NLGN1: variants seen among roughly 807,000 people sequenced by gnomAD.
The protein encoded by NLGN1 is neuroligin-1.
Under a neutral mutation model 65.5 loss-of-function variants are expected in NLGN1, and 12 were observed. The observed-to-expected ratio is 0.18, with a 90% confidence interval of 0.12 to 0.30. The LOEUF (loss-of-function observed/expected upper bound fraction) is 0.30. NLGN1 is among the 10% of genes least tolerant of loss of function. The pLI is 1.00. For synonymous variants in NLGN1, 350 were observed against 359.5 expected, an observed-to-expected ratio of 0.97 and a Z score of 0.30; for missense variants, 750 against 1,007.1, an observed-to-expected ratio of 0.74 and a Z score of 3.46.
intron 2 of NLGN1, among the ~76,000 whole-genome samples, chr3:173,533,510 A>G (rs914758227): frequency 2.0e-5 from 3 of 152,186 alleles, no homozygotes; most frequent in African/African-American, 7.2e-5. Flanking sequence ...TCTTCTGGAA[A>G]ATAAAGCCCG....
chr3:173,699,131 C>T (rs1766711084), intron 3 of NLGN1, among the ~76,000 whole-genome samples: 1 of 152,148 alleles, frequency 6.6e-6, no homozygotes, highest in Non-Finnish European at 1.5e-5. Flanking sequence ...GCTGGGATTA[C>T]AAGCGTGAGC....
intron 4 of NLGN1, among the ~76,000 whole-genome samples, chr3:174,027,232 C>G (rs1236999917): frequency 6.6e-6 from 1 of 152,138 alleles, no homozygotes; most frequent in Non-Finnish European, 1.5e-5. Context: ...ACCCAAAGTT[C>G]TATCATCCTG....
chr3:173,587,326 T>C (rs1577403368), intron 2 of NLGN1, among the ~76,000 whole-genome samples: 1 of 117,958 alleles, frequency 8.5e-6, no homozygotes, highest in South Asian at 3.4e-4. Flanking sequence ...CCTTTGTTTC[T>C]ACAAGCAGTA....
At position 174,039,762 on chromosome 3, in the gene NLGN1, G is replaced by A. The variant is rs530211881; in HGVS notation, c.646+231930G>A. 9.1e-4 allele frequency among the ~76,000 whole-genome samples: 139 copies of A among 152,262 alleles called. 1 individual carries two copies. The highest frequency in any genetic ancestry group is 2.9e-4 in the Non-Finnish European group (20 of 68,024). On this transcript the variant is annotated intron_variant, in intron 4 of 6. Transcript: ENST00000457714. ...TGGCAGCGAGGTTGAGATGGACAAT[G>A]TGTTTGGAATCGTTTGTGTTTATGG...
chr3:173,455,186 G>A (rs897742559), intron 2 of NLGN1, among the ~76,000 whole-genome samples: 1 of 152,174 alleles, frequency 6.6e-6, no homozygotes, highest in African/African-American at 2.4e-5. Flanking sequence ...ATAAAGAAGG[G>A]AGGTTTATTT....
At chr3:173,489,122 A>C (rs191792251) in intron 2 of NLGN1, among the ~76,000 whole-genome samples, 128 of 151,134 alleles carry the variant, frequency 8.5e-4, no homozygotes, top group Non-Finnish European at 1.6e-3. Flanking sequence ...TCCAGGGTAC[A>C]TGTGCACAAT....
At chr3:174,286,938 A>G (rs1387085626), downstream of NLGN1, among the ~76,000 whole-genome samples, 1 of 151,528 alleles carries the variant, frequency 6.6e-6, no homozygotes, top group Non-Finnish European at 1.5e-5. Flanking sequence ...GAGAGAACAA[A>G]AAGGAAGAAA....
Position 173,403,225 on chromosome 3 carries a change from G to A in NLGN1, c.-390+4738G>A, listed in dbSNP as rs111308746. Among the ~76,000 whole-genome samples the A allele has an allele frequency of 7.9e-3, 1,196 of 152,126 alleles. 15 individuals carry two copies. The highest frequency in any genetic ancestry group is 0.027 in the African/African-American group (1,109 of 41,526). On this transcript the variant is annotated intron_variant, in intron 1 of 6. Coordinates refer to ENST00000457714, the Ensembl canonical transcript of NLGN1. The stretch of plus-strand genomic sequence containing the variant: ...TGGAAAATGTAGGAATGTGTACTGC[G>A]TAAAATTACAAATACTAAATTATAC...
intron 4 of NLGN1, among the ~76,000 whole-genome samples, chr3:173,929,269 A>G (rs564479183): frequency 1.4e-4 from 22 of 152,302 alleles, no homozygotes; most frequent in African/African-American, 5.1e-4. Flanking sequence ...ACTTGTAACC[A>G]TTGCAGGATG....
intron 4 of NLGN1, among the ~76,000 whole-genome samples, chr3:174,017,804 T>A (rs777468559): frequency 5.3e-5 from 8 of 152,118 alleles, no homozygotes; most frequent in Non-Finnish European, 1.0e-4. Context: ...ACAAGGCAAC[T>A]GGAGGCAGGG....
intron 3 of NLGN1, among the ~76,000 whole-genome samples, chr3:173,741,478 C>G (rs1481129153): frequency 1.3e-5 from 2 of 151,894 alleles, no homozygotes; most frequent in African/African-American, 4.8e-5. Context: ...TCTTCTATAT[C>G]AGCTTTCTGG....
chr3:174,232,489 G>T (rs1740906144), intron 4 of NLGN1, among the ~76,000 whole-genome samples: 1 of 152,226 alleles, frequency 6.6e-6, no homozygotes, highest in Admixed American at 6.5e-5. Flanking sequence ...TTACTGACAT[G>T]AAGCAGATTG....
chr3:173,722,424 G>A (rs1465721100), intron 3 of NLGN1, among the ~76,000 whole-genome samples: 3 of 151,702 alleles, frequency 2.0e-5, no homozygotes, highest in Non-Finnish European at 4.4e-5. Flanking sequence ...TGTATTTTTG[G>A]TAGAGACAGG....
At chr3:173,439,881 C>G (rs56772620) in intron 2 of NLGN1, among the ~76,000 whole-genome samples, 26,588 of 152,004 alleles carry the variant, frequency 0.17, 3,564 homozygotes, top group African/African-American at 0.38. Context: ...TGGGGTGACT[C>G]TGGGAACTTT....
intron 3 of NLGN1, among the ~76,000 whole-genome samples, chr3:173,611,608 G>A (rs947247457): frequency 2.6e-5 from 4 of 151,974 alleles, no homozygotes; most frequent in African/African-American, 9.7e-5. Flanking sequence ...ATTAGTAACT[G>A]TGGACAGATG....
intron 2 of NLGN1, among the ~76,000 whole-genome samples, chr3:173,589,248 C>T (rs115915805): frequency 0.01 from 1,593 of 152,284 alleles, 39 homozygotes; most frequent in African/African-American, 0.037. Context: ...TATCCAGCTA[C>T]GCTTTATGTA....
chr3:173,761,078 T>C (rs1195306646), intron 3 of NLGN1, among the ~76,000 whole-genome samples: 1 of 152,014 alleles, frequency 6.6e-6, no homozygotes, highest in African/African-American at 2.4e-5. Context: ...CTGTATTGTG[T>C]AGTACAATGA....
chr3:173,415,577 T>C (rs1713526748), intron 1 of NLGN1, among the ~76,000 whole-genome samples: 1 of 151,134 alleles, frequency 6.6e-6, no homozygotes, highest in South Asian at 2.1e-4. Context: ...GCTTTCAGTG[T>C]TTTTCCCTAT....
chr3:173,972,161 G>A (rs1716394357), intron 4 of NLGN1, among the ~76,000 whole-genome samples: 1 of 152,100 alleles, frequency 6.6e-6, no homozygotes, highest in Non-Finnish European at 1.5e-5. Context: ...TTTTCCTAAT[G>A]GGAGAGGAGA....
Sources: gnomAD v4.1 joint callset for allele counts (sites outside exome capture counted in the v4.1 genomes callset) on GRCh38, gnomAD v4.1.1 for gene constraint, MANE v1.5 for transcripts, NCBI Gene and HGNC (gene_info 2026-07-23, HGNC 2026-07-21) for gene names.